Variants in RTN4RL1 observed in about 807,000 individuals in gnomAD.
The protein encoded by RTN4RL1 is reticulon-4 receptor-like 1.
A neutral mutation model predicts 25.6 loss-of-function variants in RTN4RL1; 7 were observed. That is an observed-to-expected ratio of 0.27 (90% CI 0.16 to 0.51). The LOEUF is 0.51. Ranked by LOEUF, RTN4RL1 falls within the 20% of genes least tolerant of loss-of-function variation. RTN4RL1 has a pLI of 0.97. For synonymous variants in RTN4RL1, 297 were observed against 288.2 expected, an observed-to-expected ratio of 1.03 and a Z score of -0.31; for missense variants, 500 against 615.6, an observed-to-expected ratio of 0.81 and a Z score of 1.99.
chr17:1,951,243 C>T (rs180845509), intron 1 of RTN4RL1, among the ~76,000 whole-genome samples: 4 of 150,876 alleles, frequency 2.7e-5, no homozygotes, highest in African/African-American at 7.3e-5. Context: ...CCAGCCTGGG[C>T]GACAGAGCGA....
intron 1 of RTN4RL1, among the ~76,000 whole-genome samples, chr17:1,972,231 C>T (rs1404486748): frequency 2.0e-5 from 3 of 151,268 alleles, no homozygotes; most frequent in African/African-American, 7.3e-5. Flanking sequence ...GGCTTGAACC[C>T]AGGAGGTGAA....
intron 1 of RTN4RL1, chr17:2,003,627 A>C (rs1433549470): frequency 6.6e-6 from 1 of 152,362 alleles, no homozygotes; most frequent in Non-Finnish European, 1.5e-5. Flanking sequence ...GCATCTGCCC[A>C]GGGTCAGGCA....
chr17:1,961,819 GT>G (rs2066763759), intron 1 of RTN4RL1, among the ~76,000 whole-genome samples: 1 of 136,658 alleles, frequency 7.3e-6, no homozygotes, highest in Admixed American at 7.4e-5. Context: ...GTGGTGGCAT[GT>G]GCCTGTAATC....
At position 1,936,417 on chromosome 17, in the gene RTN4RL1, C is replaced by T. The variant is rs1484676659; in HGVS notation, c.*79G>A. 4.8e-6 allele frequency: 7 copies of T among 1,462,004 alleles called. No homozygotes were observed. The highest frequency in any genetic ancestry group is 6.3e-6 in the Non-Finnish European group (7 of 1,112,240). The allele number at this position is 1,462,004 out of a possible 1,614,324, so 90.6% of individuals were successfully genotyped here. ...TTTTCCTGAAACCCAGCAGATCTTC[C>T]ACTTGTTAAAAAAAGAAGAAAATAA... On this transcript the variant is annotated 3_prime_UTR_variant, in exon 2 of 2. Coordinates refer to ENST00000331238, the MANE Select transcript of RTN4RL1 (RefSeq NM_178568.4).
intron 1 of RTN4RL1, among the ~76,000 whole-genome samples, chr17:1,939,179 CGT>C (rs1567847485): frequency 6.6e-6 from 1 of 151,624 alleles, no homozygotes; most frequent in African/African-American, 2.4e-5. Flanking sequence ...GGCGAAACCC[CGT>C]CTCTACTAAA....
intron 1 of RTN4RL1, among the ~76,000 whole-genome samples, chr17:1,962,991 G>A (rs2066773016): frequency 6.6e-6 from 1 of 151,834 alleles, no homozygotes; most frequent in Non-Finnish European, 1.5e-5. Context: ...TGGCTGGAGT[G>A]CAGAGGTATA....
At chr17:1,982,862 G>T (rs1055288919) in intron 1 of RTN4RL1, among the ~76,000 whole-genome samples, 1 of 152,124 alleles carries the variant, frequency 6.6e-6, no homozygotes, top group South Asian at 2.1e-4. Flanking sequence ...CCTCAGGGAG[G>T]GGCAGCGGCT....
chr17:1,979,934 G>A (rs1282383668), intron 1 of RTN4RL1, among the ~76,000 whole-genome samples: 1 of 152,182 alleles, frequency 6.6e-6, no homozygotes, highest in African/African-American at 2.4e-5. Context: ...CCAGCCTTTT[G>A]GGATTCTCCT....
intron 1 of RTN4RL1, among the ~76,000 whole-genome samples, chr17:1,970,860 T>A (rs925678154): frequency 2.0e-5 from 3 of 152,182 alleles, no homozygotes; most frequent in African/African-American, 7.2e-5. Flanking sequence ...TGCTTAACAT[T>A]TTTTGAATCA....
At chr17:1,962,375 T>C (rs2066768585) in intron 1 of RTN4RL1, among the ~76,000 whole-genome samples, 1 of 151,974 alleles carries the variant, frequency 6.6e-6, no homozygotes, top group Non-Finnish European at 1.5e-5. Flanking sequence ...ACTTATTTTT[T>C]GAGATGGGGT....
chr17:1,991,290 G>A (rs1400674004), intron 1 of RTN4RL1, among the ~76,000 whole-genome samples: 1 of 152,056 alleles, frequency 6.6e-6, no homozygotes, highest in African/African-American at 2.4e-5. Flanking sequence ...TAGGGAGGGA[G>A]AGGAGCTGAG....
chr17:1,980,416 A>G (rs2066862145), intron 1 of RTN4RL1, among the ~76,000 whole-genome samples: 1 of 152,000 alleles, frequency 6.6e-6, no homozygotes, highest in South Asian at 2.1e-4. Flanking sequence ...ATAGGATCCC[A>G]GGCAGCTTTT....
chr17:1,977,456 G>T lies in RTN4RL1; in HGVS notation c.14-39648C>A, dbSNP rs372801526. Among the ~76,000 whole-genome samples, 445 of 152,064 alleles carry T rather than the reference G, an allele frequency of 2.9e-3. 2 individuals carry two copies. The highest frequency in any genetic ancestry group is 0.01 in the African/African-American group (423 of 41,378). On this transcript the variant is annotated intron_variant, in intron 1 of 1. Coordinates refer to ENST00000331238, the MANE Select transcript of RTN4RL1 (RefSeq NM_178568.4). The stretch of plus-strand genomic sequence containing the variant: ...GATCCACCACCTCGTCTCAGGCGGA[G>T]GTCCCCATCCCCCTGAGGATGACTT...
At chr17:1,956,971 C>G (rs1393119154) in intron 1 of RTN4RL1, among the ~76,000 whole-genome samples, 1 of 152,164 alleles carries the variant, frequency 6.6e-6, no homozygotes, top group East Asian at 1.9e-4. Context: ...AACTCCTGAC[C>G]TCAGGTGATC....
At position 1,998,776 on chromosome 17, in the gene RTN4RL1, CGGGGTG is replaced by C. The variant is rs916422839; in HGVS notation, c.13+26071_13+26076del. Among the ~76,000 whole-genome samples the C allele has an allele frequency of 5.5e-4, 35 of 63,756 alleles. No individual in the cohort carries two copies. Among genetic ancestry groups the C allele is most frequent in the South Asian group, 1.6e-3 (3 of 1,908 alleles). The allele number at this position is 63,756 out of a possible 152,430, so 41.8% of individuals were successfully genotyped here. On this transcript the variant is annotated intron_variant, in intron 1 of 1. Coordinates refer to ENST00000331238, the MANE Select transcript of RTN4RL1 (RefSeq NM_178568.4). The surrounding 1 kb of genome is among the most constrained non-coding windows in gnomAD (Gnocchi z 4.9). Reference sequence around the variant, plus strand: ...GGCGGCCTCGCGCGCACGGGGACCCCGGGGTGGGGGTGGGGGTGGGGCTCTGCGAGG... The same window carrying C: ...GGCGGCCTCGCGCGCACGGGGACCCCGGGGTGGGGGTGGGGCTCTGCGAGG...
chr17:1,981,576 G>C (rs959842968), intron 1 of RTN4RL1, among the ~76,000 whole-genome samples: 2 of 152,132 alleles, frequency 1.3e-5, no homozygotes, highest in African/African-American at 4.8e-5. Flanking sequence ...TGGCTGCCTC[G>C]TGTGCAGATA....
At chr17:1,989,370 A>T (rs1387901402) in intron 1 of RTN4RL1, among the ~76,000 whole-genome samples, 1 of 151,796 alleles carries the variant, frequency 6.6e-6, no homozygotes, top group East Asian at 1.9e-4. Context: ...GGCACATCAA[A>T]CTTTCTGACT....
chr17:1,990,316 G>A (rs995519078), intron 1 of RTN4RL1, among the ~76,000 whole-genome samples: 5 of 151,874 alleles, frequency 3.3e-5, no homozygotes, highest in Non-Finnish European at 1.5e-5. Flanking sequence ...GCAGTGAGCC[G>A]AGATCGAGCC....
chr17:1,992,093 A>T (rs569234071), intron 1 of RTN4RL1, among the ~76,000 whole-genome samples: 1 of 147,960 alleles, frequency 6.8e-6, no homozygotes, highest in East Asian at 1.9e-4. Flanking sequence ...TGCCGGGCGC[A>T]GTGGCTCACG....
Sources: gnomAD v4.1 joint callset for allele counts (sites outside exome capture counted in the v4.1 genomes callset) on GRCh38, gnomAD v4.1.1 for gene constraint, Gnocchi (gnomAD v3.1) non-coding constraint, MANE v1.5 for transcripts, NCBI Gene and HGNC (gene_info 2026-07-23, HGNC 2026-07-21) for gene names.